The following CAPN13 variants were observed in gnomAD, a reference collection of about 807,000 sequenced individuals.
The protein encoded by CAPN13 is calpain-13.
Under a neutral mutation model 98.4 loss-of-function variants are expected in CAPN13, and 90 were observed. That is an observed-to-expected ratio of 0.92 (90% CI 0.77 to 1.09). CAPN13 has a LOEUF of 1.09. Ranked by LOEUF, CAPN13 falls within the 50% of genes least tolerant of loss-of-function variation. CAPN13 has a pLI of 0.00. For synonymous variants in CAPN13, 330 were observed against 305.5 expected (o/e 1.08, Z -0.84); for missense variants, 887 against 841.3 (o/e 1.05, Z -0.67).
chr2:30,734,641 G>GTGTCCTCCCAGTCCTC, intron 18 of CAPN13, 117 bp from the exon 19 acceptor site: 2 of 749,958 alleles, frequency 2.7e-6, no homozygotes, highest in Non-Finnish European at 4.7e-6. Context: ...TCACAGCACT[G>GTGTCCTCCCAGTCCTC]AGGACTGGGA....
At chr2:30,773,314 G>A (rs1001042745) in intron 4 of CAPN13, among the ~76,000 whole-genome samples, 3 of 152,274 alleles carry the variant, frequency 2.0e-5, no homozygotes, top group African/African-American at 7.2e-5. Flanking sequence ...TCATTTTTAA[G>A]TGAGAGCAAA....
intron 17 of CAPN13, chr2:30,737,265 A>T (rs773506157): frequency 6.6e-6 from 1 of 152,342 alleles, no homozygotes; most frequent in African/African-American, 2.4e-5. Flanking sequence ...GGCCTGATTT[A>T]TGATTTCATC....
In CAPN13 at chr2:30,743,443, G is replaced by A; in HGVS notation, c.1385C>T (p.Thr462Ile). Residue 462 changes from threonine to isoleucine, a missense_variant, in exon 13 of 23, where the codon ACA becomes ATA. Physicochemically the swap from Thr to Ile is moderately conservative, Grantham distance 89. Transcript: ENST00000295055. ...SPGNYVVVAQTRRKSAEFLLR... is the reference protein window; with the variant it reads ...SPGNYVVVAQIRRKSAEFLLR... ...CAAGAACTCCGCTGATTTTCTCCGT[G>A]TCTGTGCAACCACAACATAGTTCCC... 3 of 1,614,020 alleles carry A rather than the reference G, an allele frequency of 1.9e-6. No homozygotes were observed. Among genetic ancestry groups the A allele is most frequent in the Non-Finnish European group, 2.5e-6 (3 of 1,179,892 alleles).
intron 22 of CAPN13, among the ~76,000 whole-genome samples, chr2:30,726,928 C>T (rs899226334): frequency 1.3e-5 from 2 of 152,118 alleles, no homozygotes; most frequent in African/African-American, 4.8e-5. Flanking sequence ...AAAACTCACA[C>T]TTCCTAATTT....
chr2:30,778,203 C>T (rs1447102264), intron 2 of CAPN13, among the ~76,000 whole-genome samples: 6 of 152,188 alleles, frequency 3.9e-5, no homozygotes, highest in Admixed American at 3.9e-4. Flanking sequence ...AGGCCGCAGT[C>T]CCCTTGTGTG....
intron 12 of CAPN13, 136 bp downstream of exon 12, chr2:30,745,587 T>C: frequency 1.3e-5 from 10 of 787,916 alleles, no homozygotes; most frequent in Non-Finnish European, 2.0e-5. Flanking sequence ...ATTCTAGGCC[T>C]GTGTCTGATG....
At chr2:30,793,238 A>C (rs1674693074) in intron 1 of CAPN13, among the ~76,000 whole-genome samples, 1 of 151,778 alleles carries the variant, frequency 6.6e-6, no homozygotes, top group African/African-American at 2.4e-5. Flanking sequence ...CTACAAAACA[A>C]CTACTAGAAC....
At chr2:30,764,929 C>T (rs1003660663) in intron 5 of CAPN13, among the ~76,000 whole-genome samples, 6 of 152,162 alleles carry the variant, frequency 3.9e-5, no homozygotes, top group African/African-American at 9.7e-5. Context: ...GTTACCCACT[C>T]GCCCCCAGAT....
intron 11 of CAPN13, chr2:30,746,594 C>T: frequency 5.0e-6 from 1 of 198,236 alleles, no homozygotes; most frequent in Non-Finnish European, 1.1e-5. Flanking sequence ...TCTCCCCATG[C>T]TTGTGGATAG....
In CAPN13 at chr2:30,777,619, A is replaced by C; in HGVS notation, c.219T>G (p.Pro73=). 1 of 1,578,492 alleles carries C rather than the reference A, an allele frequency of 6.3e-7. No homozygotes were observed. Among genetic ancestry groups the C allele is most frequent in the Non-Finnish European group, 8.6e-7 (1 of 1,160,448 alleles). ...KRPQDLPGGP[P]HFILDDISRF... is the part of the protein sequence containing the mutation. ...TGCTTATATCATCCAGGATGAAGTG[A>C]GGAGGACCCCCTGGTAGATCCTTTA... Residue 73 remains proline (P), a synonymous_variant, in exon 3 of 23, where the codon CCT becomes CCG. Transcript: ENST00000295055.
chr2:30,732,402 G>C, intron 20 of CAPN13, 36 bp downstream of exon 20: 11 of 1,610,848 alleles, frequency 6.8e-6, no homozygotes, highest in Non-Finnish European at 9.3e-6. Context: ...TTCGGTCACT[G>C]CCAAGGTCTC....
intron 4 of CAPN13, among the ~76,000 whole-genome samples, chr2:30,774,650 AT>A (rs1673594840): frequency 6.6e-6 from 1 of 152,190 alleles, no homozygotes; most frequent in Non-Finnish European, 1.5e-5. Flanking sequence ...TATTGAATAC[AT>A]TGGAAGAATT....
chr2:30,779,933 C>G (rs997436603), intron 2 of CAPN13, among the ~76,000 whole-genome samples: 6 of 152,032 alleles, frequency 3.9e-5, no homozygotes, highest in African/African-American at 1.4e-4. Context: ...ATAGACCCAA[C>G]CTTTGGCAAA....
chr2:30,736,597 A>C, intron 17 of CAPN13, 26 bp from the exon 18 acceptor site: 2 of 1,612,706 alleles, frequency 1.2e-6, no homozygotes, highest in Middle Eastern at 1.7e-4. Flanking sequence ...AGAGTGAACC[A>C]GCCAGCGTGC....
At chr2:30,799,064 C>T (rs1303569079) in intron 1 of CAPN13, among the ~76,000 whole-genome samples, 1 of 151,870 alleles carries the variant, frequency 6.6e-6, no homozygotes, top group Non-Finnish European at 1.5e-5. Context: ...CCTTGGCATA[C>T]CTCAGGGCTT....
At chr2:30,726,141 A>C (rs1670848700) in intron 22 of CAPN13, among the ~76,000 whole-genome samples, 1 of 152,262 alleles carries the variant, frequency 6.6e-6, no homozygotes, top group African/African-American at 2.4e-5. Context: ...AGCAACAAAC[A>C]AGACATACCC....
chr2:30,803,434 G>A (rs1014406922), intron 1 of CAPN13, among the ~76,000 whole-genome samples: 8 of 152,316 alleles, frequency 5.3e-5, no homozygotes, highest in Admixed American at 1.3e-4. Context: ...AGGCATGGGA[G>A]GTGGACATGG....
At chr2:30,756,622 G>A (rs556772490) in intron 8 of CAPN13, among the ~76,000 whole-genome samples, 2 of 152,348 alleles carry the variant, frequency 1.3e-5, no homozygotes, top group East Asian at 1.9e-4. Context: ...AATCAGGGGT[G>A]CTGGCTGATC....
chr2:30,798,961 C>A (rs911195010), intron 1 of CAPN13, among the ~76,000 whole-genome samples: 1 of 152,074 alleles, frequency 6.6e-6, no homozygotes, highest in African/African-American at 2.4e-5. Context: ...TTTAACACAT[C>A]GAGAATAATT....
Sources: gnomAD v4.1 joint callset for allele counts (sites outside exome capture counted in the v4.1 genomes callset) on GRCh38, gnomAD v4.1.1 for gene constraint, MANE v1.5 for transcripts, NCBI Gene and HGNC (gene_info 2026-07-23, HGNC 2026-07-21) for gene names.